The following NRG3 variants were observed in gnomAD, a reference collection of about 807,000 sequenced individuals.
The protein encoded by NRG3 is pro-neuregulin-3, membrane-bound isoform.
NRG3 carries 31 observed loss-of-function variants against 66.9 expected under a neutral mutation model. The ratio of observed to expected loss-of-function variants is 0.46; its 90% CI spans 0.35 to 0.63. NRG3 has a LOEUF of 0.63. Ranked by LOEUF, NRG3 falls within the 20% of genes least tolerant of loss-of-function variation. NRG3 has a pLI of 0.00. For missense variants in NRG3, 910 were observed against 878.9 expected (o/e 1.04, Z -0.45); for synonymous variants, 393 against 359.4 (o/e 1.09, Z -1.06).
chr10:82,971,340 T>A (rs1442299853), intron 6 of NRG3, among the ~76,000 whole-genome samples: 1 of 152,190 alleles, frequency 6.6e-6, no homozygotes, highest in Non-Finnish European at 1.5e-5. Flanking sequence ...TACTTTACTG[T>A]TATCCATAGT....
chr10:82,021,783 AGTATGTGTGTGTGTGTGTGT>A (rs1380561343), intron 1 of NRG3, among the ~76,000 whole-genome samples: 44 of 146,534 alleles, frequency 3.0e-4, no homozygotes, highest in African/African-American at 9.5e-4. Context: ...TTGGGCATGT[AGTATGTGTGTGTGTGTGTGT>A]GTGTGTGTGT....
intron 4 of NRG3, among the ~76,000 whole-genome samples, chr10:82,910,055 TG>T (rs1178278069): frequency 6.6e-6 from 1 of 152,204 alleles, no homozygotes; most frequent in Non-Finnish European, 1.5e-5. Context: ...AGTAGTGTCA[TG>T]GTAAACATAT....
intron 2 of NRG3, among the ~76,000 whole-genome samples, chr10:82,637,258 T>G (rs1003936273): frequency 1.3e-5 from 2 of 152,150 alleles, no homozygotes; most frequent in Non-Finnish European, 2.9e-5. Flanking sequence ...ACTGGCCAAA[T>G]TTGGGATGAA....
At chr10:82,938,121 G>A (rs1291188605) in intron 4 of NRG3, among the ~76,000 whole-genome samples, 3 of 152,126 alleles carry the variant, frequency 2.0e-5, no homozygotes, top group Non-Finnish European at 4.4e-5. Context: ...TTGATTGATT[G>A]GATTGCTTCT....
chr10:81,938,220 A>C (rs929962162), intron 1 of NRG3, among the ~76,000 whole-genome samples: 6 of 152,014 alleles, frequency 3.9e-5, no homozygotes, highest in African/African-American at 9.7e-5. Context: ...GGATTCTTTT[A>C]GATGTCATAA....
At chr10:82,917,966 G>GTATATATATATATATATATA (rs1216370656) in intron 4 of NRG3, among the ~76,000 whole-genome samples, 7 of 92,432 alleles carry the variant, frequency 7.6e-5, no homozygotes, top group African/African-American at 2.4e-4. Context: ...GTGTGTGTGT[G>GTATATATATATATATATATA]TGTGTATATA....
chr10:82,450,693 G>A (rs192431681), intron 2 of NRG3, among the ~76,000 whole-genome samples: 61 of 152,178 alleles, frequency 4.0e-4, no homozygotes, highest in Non-Finnish European at 7.4e-4. Context: ...CTTTAAATAC[G>A]TTTATTGATT....
chr10:82,874,092 G>A (rs1448103386), intron 4 of NRG3, among the ~76,000 whole-genome samples: 2 of 151,512 alleles, frequency 1.3e-5, no homozygotes, highest in African/African-American at 4.8e-5. Flanking sequence ...ATATTTATAG[G>A]TTTAGAATTG....
At chr10:82,131,809 T>C in intron 1 of NRG3, among the ~76,000 whole-genome samples, 1 of 152,166 alleles carries the variant, frequency 6.6e-6, no homozygotes, top group Non-Finnish European at 1.5e-5. Flanking sequence ...GTAAATGAGA[T>C]TACTTTTTTA....
At chr10:82,808,580 A>G (rs991661108) in intron 3 of NRG3, among the ~76,000 whole-genome samples, 3 of 152,104 alleles carry the variant, frequency 2.0e-5, no homozygotes, top group African/African-American at 7.2e-5. Context: ...CCTTAGAATG[A>G]AAAAAATCTC....
chr10:82,135,182 G>A (rs914612075), intron 1 of NRG3, among the ~76,000 whole-genome samples: 20 of 150,812 alleles, frequency 1.3e-4, no homozygotes, highest in African/African-American at 4.8e-4. Context: ...CTGGATTATA[G>A]GGTTTCCACT....
chr10:82,317,514 C>G (rs2081357088), intron 1 of NRG3, among the ~76,000 whole-genome samples: 1 of 152,132 alleles, frequency 6.6e-6, no homozygotes, highest in Non-Finnish European at 1.5e-5. Context: ...ACCCTTCTAT[C>G]CTTTCAGTCT....
chr10:82,043,206 A>T (rs2063122098), intron 1 of NRG3, among the ~76,000 whole-genome samples: 1 of 151,992 alleles, frequency 6.6e-6, no homozygotes, highest in Middle Eastern at 3.2e-3. Context: ...GCTTAATTCA[A>T]GTGTTGTGTG....
At chr10:82,979,267 G>T in intron 8 of NRG3, 147 bp downstream of exon 8, 1 of 780,316 alleles carries the variant, frequency 1.3e-6, no homozygotes, top group Non-Finnish European at 2.0e-6. Context: ...TCTACAAAAG[G>T]TGAACCAACT....
rs139592565 is a variant in NRG3, at chr10:82,088,484, C to T, written c.823+212321C>T. 1.9e-3 allele frequency among the ~76,000 whole-genome samples: 294 copies of T among 152,236 alleles called. 2 individuals carry two copies. Among genetic ancestry groups the T allele is most frequent in the African/African-American group, 6.7e-3 (278 of 41,514 alleles). ...AATGGTGTCCAGATTTGTAGAGATA[C>T]ATTTGTCTATGTTGTGAGAATTGAA... On this transcript the variant is annotated intron_variant, in intron 1 of 8. Transcript: ENST00000372141.
chr10:82,084,656 G>A (rs1011189803), intron 1 of NRG3, among the ~76,000 whole-genome samples: 1 of 152,018 alleles, frequency 6.6e-6, no homozygotes, highest in African/African-American at 2.4e-5. Flanking sequence ...CTATTTTTCT[G>A]TGAACATTTT....
chr10:82,034,920 T>C (rs1307439350), intron 1 of NRG3, among the ~76,000 whole-genome samples: 3 of 152,098 alleles, frequency 2.0e-5, no homozygotes, highest in Non-Finnish European at 2.9e-5. Flanking sequence ...CATCTTTCTA[T>C]ACTTCTTTTC....
At chr10:82,056,424 T>C (rs576534509) in intron 1 of NRG3, among the ~76,000 whole-genome samples, 37 of 152,212 alleles carry the variant, frequency 2.4e-4, no homozygotes, top group Admixed American at 4.6e-4. Flanking sequence ...GAGTGGTTAG[T>C]TGTTGGTAAT....
At chr10:82,844,794 A>G (rs994820144) in intron 3 of NRG3, among the ~76,000 whole-genome samples, 4 of 152,120 alleles carry the variant, frequency 2.6e-5, no homozygotes, top group Non-Finnish European at 4.4e-5. Flanking sequence ...GGATTAATTA[A>G]ATGAGTATTA....
Sources: allele counts gnomAD v4.1 joint callset (sites outside exome capture counted in the v4.1 genomes callset), GRCh38; gene constraint gnomAD v4.1.1; transcripts MANE v1.5; gene names NCBI Gene and HGNC (gene_info 2026-07-23, HGNC 2026-07-21).